The following SAMD5 variants were observed in gnomAD, a reference collection of about 807,000 sequenced individuals.
SAMD5 encodes the protein sterile alpha motif domain-containing protein 5.
Under a neutral mutation model 11.3 loss-of-function variants are expected in SAMD5, and 13 were observed. The observed-to-expected ratio is 1.15, with a 90% CI of 0.75 to 1.83. The LOEUF is 1.83. Ranked by LOEUF, SAMD5 falls within the 40% of genes most tolerant of loss-of-function variation. SAMD5 has a pLI of 0.00. For missense variants in SAMD5, 255 were observed against 239.1 expected, an observed-to-expected ratio of 1.07 and a Z score of -0.44; for synonymous variants, 129 against 111.3, an observed-to-expected ratio of 1.16 and a Z score of -1.00.
chr6:147,792,593 C>T, the SAMD5 span, among the ~76,000 whole-genome samples: 2 of 152,130 alleles, frequency 1.3e-5, no homozygotes, highest in Non-Finnish European at 2.9e-5. Flanking sequence ...AACAAGCACA[C>T]CTAGTGCCCA....
chr6:147,886,141 AT>A, the SAMD5 span, among the ~76,000 whole-genome samples: 1 of 152,206 alleles, frequency 6.6e-6, no homozygotes, highest in South Asian at 2.1e-4. Context: ...ATCATGACTC[AT>A]TATTGATACT....
chr6:147,733,138 A>G (rs12198241), intron 1 of SAMD5, among the ~76,000 whole-genome samples: 11,120 of 152,244 alleles, frequency 0.073, 494 homozygotes, highest in Non-Finnish European at 0.092. Flanking sequence ...GAAAATGACA[A>G]TATTTTTATT....
intron 1 of SAMD5, among the ~76,000 whole-genome samples, chr6:147,515,584 T>G (rs1327791847): frequency 6.6e-6 from 1 of 151,828 alleles, no homozygotes; most frequent in Non-Finnish European, 1.5e-5. Context: ...ATCCTTCCAT[T>G]TATCCATCCA....
the SAMD5 span, among the ~76,000 whole-genome samples, chr6:147,816,473 CT>C: frequency 6.6e-6 from 1 of 150,586 alleles, no homozygotes; most frequent in Non-Finnish European, 1.5e-5. Context: ...CAGAATATAT[CT>C]TGAGTGTAGA....
chr6:147,798,205 A>T, the SAMD5 span, among the ~76,000 whole-genome samples: 1 of 148,922 alleles, frequency 6.7e-6, no homozygotes. Flanking sequence ...GTGGGCATTT[A>T]GTGTTATAAA....
At chr6:147,889,071 G>C in the SAMD5 span, among the ~76,000 whole-genome samples, 1 of 151,956 alleles carries the variant, frequency 6.6e-6, no homozygotes, top group African/African-American at 2.4e-5. Flanking sequence ...AATACTTTTT[G>C]TTTCCTCATC....
chr6:147,723,790 A>C (rs1490896349), intron 1 of SAMD5, among the ~76,000 whole-genome samples: 3 of 152,204 alleles, frequency 2.0e-5, no homozygotes, highest in Admixed American at 6.5e-5. Flanking sequence ...TGTCTTTGGA[A>C]TTCAACTCAC....
the SAMD5 span, among the ~76,000 whole-genome samples, chr6:147,765,934 A>T: frequency 6.6e-6 from 1 of 152,200 alleles, no homozygotes; most frequent in African/African-American, 2.4e-5. Context: ...AAAGCCTCAG[A>T]TTGACACCTA....
intron 1 of SAMD5, among the ~76,000 whole-genome samples, chr6:147,689,943 T>C (rs1317414450): frequency 6.6e-6 from 1 of 152,128 alleles, no homozygotes; most frequent in Non-Finnish European, 1.5e-5. Flanking sequence ...TGGAAAAAAA[T>C]TTCAAAGAGA....
rs550097168 is a variant in SAMD5 at position 147,653,573 on chromosome 6, C to T, written c.163-83744C>T. The stretch of plus-strand genomic sequence containing the variant: ...AAGACTTGTAATTAGGCAGAAAGAT[C>T]TGGTAAAATGGATTCTATGGAATTA... On this transcript the variant is annotated intron_variant, in intron 1 of 1. Coordinates refer to the SAMD5 transcript ENST00000566741. 3.9e-5 allele frequency among the ~76,000 whole-genome samples: 6 copies of T among 152,280 alleles called. No homozygotes were observed. In the South Asian group the frequency reaches 1.0e-3, roughly 26 times the overall value.
chr6:147,567,495 A>T lies in SAMD5; in HGVS notation c.*3039A>T. 1.0e-6 allele frequency: 1 copy of T among 962,682 alleles called. No individual in the cohort carries two copies. The highest frequency in any genetic ancestry group is 1.2e-6 in the Non-Finnish European group (1 of 809,076). The allele number at this position is 962,682 out of a possible 1,614,324, so 59.6% of individuals were successfully genotyped here. A position where few individuals can be genotyped will look rare whatever the true frequency, so the allele number is the denominator to read the frequency against. On this transcript the variant is annotated 3_prime_UTR_variant, in exon 2 of 2. Coordinates refer to ENST00000367474, the MANE Select transcript of SAMD5 (RefSeq NM_001030060.3). ...GCTTGGGGAATCATCTTGAACAGTT[A>T]TGAAACTCATTAAAGCTTCTTTTCC...
chr6:147,594,774 G>A (rs548610651), intron 1 of SAMD5, among the ~76,000 whole-genome samples: 136 of 152,276 alleles, frequency 8.9e-4, no homozygotes, highest in Middle Eastern at 3.4e-3. Flanking sequence ...TTGGCCATAT[G>A]AAGAAAATTG....
intron 1 of SAMD5, among the ~76,000 whole-genome samples, chr6:147,656,899 CGTGTGTGTGTGTGTGT>C (rs55906300): frequency 2.0e-5 from 3 of 149,060 alleles, no homozygotes; most frequent in Non-Finnish European, 4.5e-5. Flanking sequence ...ATACAGTATA[CGTGTGTGTGTGTGTGT>C]GTGTGTGTGT....
intron 1 of SAMD5, among the ~76,000 whole-genome samples, chr6:147,558,637 T>C (rs917683318): frequency 2.0e-5 from 3 of 152,046 alleles, no homozygotes; most frequent in African/African-American, 2.4e-5. Context: ...GCCCCTCTCA[T>C]GGGCTCTTCT....
the SAMD5 span, among the ~76,000 whole-genome samples, chr6:147,925,848 A>C: frequency 1.5e-3 from 228 of 152,082 alleles, 1 homozygote; most frequent in African/African-American, 5.1e-3. Context: ...CTCCACCCTC[A>C]AGTAGGCCCC....
the SAMD5 span, among the ~76,000 whole-genome samples, chr6:147,864,424 C>T: frequency 7.2e-5 from 11 of 152,224 alleles, no homozygotes; most frequent in East Asian, 1.9e-4. Flanking sequence ...GTTGGTAAAC[C>T]GACCATCTTG....
chr6:147,864,722 AT>A, the SAMD5 span, among the ~76,000 whole-genome samples: 1 of 152,188 alleles, frequency 6.6e-6, no homozygotes, highest in Non-Finnish European at 1.5e-5. Context: ...AGGTTATATC[AT>A]TTTTATAAAA....
chr6:147,914,605 A>G, the SAMD5 span, among the ~76,000 whole-genome samples: 1 of 152,310 alleles, frequency 6.6e-6, no homozygotes, highest in Admixed American at 6.5e-5. Context: ...TGAAGGTTGA[A>G]TCAGGCAAAA....
chr6:147,829,302 G>A, the SAMD5 span, among the ~76,000 whole-genome samples: 1 of 152,200 alleles, frequency 6.6e-6, no homozygotes, highest in Non-Finnish European at 1.5e-5. Flanking sequence ...GAGAATGCGA[G>A]GAGAAGCTCT....
Sources: allele counts gnomAD v4.1 joint callset (sites outside exome capture counted in the v4.1 genomes callset), GRCh38; gene constraint gnomAD v4.1.1; transcripts MANE v1.5; gene names NCBI Gene and HGNC (gene_info 2026-07-23, HGNC 2026-07-21).